Variants in METTL15 observed in about 807,000 individuals in gnomAD.
METTL15 encodes 12S rRNA N(4)-cytidine methyltransferase METTL15.
In METTL15, 34 loss-of-function variants were observed where a neutral mutation model predicts 38.3. The observed-to-expected ratio is 0.89, with a 90% CI of 0.68 to 1.18. METTL15 has a LOEUF of 1.18. Among genes scored for constraint, METTL15 ranks in the 50% most tolerant of loss-of-function variants. The probability of loss-of-function intolerance (pLI) is 0.00; values close to 1 mark genes in which losing one functional copy is unlikely to be tolerated. For missense variants in METTL15, 438 were observed against 498.4 expected (o/e 0.88, Z 1.15); for synonymous variants, 162 against 170.9 (o/e 0.95, Z 0.41).
rs559666663 is a variant in METTL15 at position 28,309,108 on chromosome 11, A to T, written c.778+12177A>T. On this transcript the variant is annotated intron_variant, in intron 6 of 6. Transcript: ENST00000407364. Reference sequence around the variant, plus strand: ...TGCTCTGTATGTCTGCCGAAATTTCATGTCAATACTTTAATCTCAAAATGT... The same window carrying T: ...TGCTCTGTATGTCTGCCGAAATTTCTTGTCAATACTTTAATCTCAAAATGT... 1.8e-4 allele frequency among the ~76,000 whole-genome samples: 28 copies of T among 152,254 alleles called. 2 individuals are homozygous for T. The South Asian group carries it at 5.6e-3, about 30-fold the overall frequency.
intron 4 of METTL15, among the ~76,000 whole-genome samples, chr11:28,247,624 G>A (rs992529221): frequency 1.3e-5 from 2 of 151,954 alleles, no homozygotes; most frequent in African/African-American, 4.8e-5. Flanking sequence ...AAGATTGATC[G>A]GTAATTTAAA....
At chr11:28,270,628 T>C (rs1855606144) in intron 4 of METTL15, among the ~76,000 whole-genome samples, 1 of 152,208 alleles carries the variant, frequency 6.6e-6, no homozygotes, top group Non-Finnish European at 1.5e-5. Context: ...ATCTGATGTA[T>C]AAAATAGGTG....
chr11:28,313,784 C>T (rs184942975), intron 6 of METTL15, among the ~76,000 whole-genome samples: 369 of 151,508 alleles, frequency 2.4e-3, no homozygotes, highest in Non-Finnish European at 3.0e-3. Context: ...GATAGTTGGC[C>T]TCCAAGTGGG....
intron 4 of METTL15, among the ~76,000 whole-genome samples, chr11:28,216,179 A>C (rs927882423): frequency 6.6e-6 from 1 of 152,058 alleles, no homozygotes; most frequent in Non-Finnish European, 1.5e-5. Flanking sequence ...AAAAGTGACA[A>C]GATGTTTTTT....
At chr11:28,406,172 G>C (rs547232465) in intron 5 of METTL15, among the ~76,000 whole-genome samples, 3 of 152,170 alleles carry the variant, frequency 2.0e-5, no homozygotes, top group African/African-American at 7.2e-5. Context: ...AATGGGAATA[G>C]CATTGATTCT....
At chr11:28,343,265 A>G (rs992986165) in intron 3 of METTL15, among the ~76,000 whole-genome samples, 4 of 152,136 alleles carry the variant, frequency 2.6e-5, no homozygotes, top group African/African-American at 9.7e-5. Flanking sequence ...TAGTTATTCT[A>G]GAATCTATCT....
intron 6 of METTL15, among the ~76,000 whole-genome samples, chr11:28,430,306 T>A: frequency 2.0e-5 from 2 of 98,114 alleles, no homozygotes; most frequent in African/African-American, 3.8e-5. Flanking sequence ...CGGCCAGCCG[T>A]GCCATCCGGG....
intron 6 of METTL15, chr11:28,477,421 T>C (rs1851356340): frequency 6.6e-6 from 1 of 152,110 alleles, no homozygotes; most frequent in Non-Finnish European, 1.5e-5. Flanking sequence ...GACTTCAGGT[T>C]ATCCACCTCC....
chr11:28,402,608 G>A (rs998931412), intron 5 of METTL15, among the ~76,000 whole-genome samples: 1 of 151,846 alleles, frequency 6.6e-6, no homozygotes, highest in Non-Finnish European at 1.5e-5. Context: ...TTCAGAGGCA[G>A]AGCCACATTT....
At chr11:28,267,740 G>A (rs1399626398) in intron 4 of METTL15, among the ~76,000 whole-genome samples, 1 of 152,130 alleles carries the variant, frequency 6.6e-6, no homozygotes, top group Non-Finnish European at 1.5e-5. Flanking sequence ...CTTGGCTGAA[G>A]TCAATATCTG....
At chr11:28,320,565 C>T (rs1196882020) in intron 6 of METTL15, among the ~76,000 whole-genome samples, 1 of 151,768 alleles carries the variant, frequency 6.6e-6, no homozygotes, top group East Asian at 1.9e-4. Context: ...GCCCCCGACC[C>T]CCCAAAAAAA....
rs1025040671 is a variant in METTL15 at position 28,509,674 on chromosome 11, CTTTG to C, written c.*425-16798_*425-16795del. ...GTTTTACCTCTCTGGGCTTTTGCTT[CTTTG>C]TTTGTAAAATGAAGGGCTCAAATTA... On this transcript the variant is annotated intron_variant and NMD_transcript_variant, in intron 6 of 7. Coordinates refer to the METTL15 transcript ENST00000532947. 5.9e-5 allele frequency among the ~76,000 whole-genome samples: 9 copies of C among 152,224 alleles called. 1 individual carries two copies. Among genetic ancestry groups the C allele is most frequent in the African/African-American group, 2.2e-4 (9 of 41,538 alleles).
At chr11:28,238,789 C>A (rs1024501880) in intron 4 of METTL15, among the ~76,000 whole-genome samples, 1 of 152,170 alleles carries the variant, frequency 6.6e-6, no homozygotes, top group African/African-American at 2.4e-5. Context: ...ATAAAGCTTT[C>A]AACTGCCCCA....
chr11:28,241,796 G>T (rs768778433), intron 4 of METTL15, among the ~76,000 whole-genome samples: 12 of 152,144 alleles, frequency 7.9e-5, no homozygotes, highest in Non-Finnish European at 1.8e-4. Context: ...AAGCAAAGAT[G>T]CCCATATGGG....
At position 28,110,199 on chromosome 11, in the gene METTL15, C is replaced by A. The variant is rs1851658501; in HGVS notation, c.-220C>A. 6.6e-6 allele frequency: 1 copy of A among 152,190 alleles called. No homozygotes were observed. The highest frequency in any genetic ancestry group is 1.5e-5 in the Non-Finnish European group (1 of 68,048). 9.4% of individuals were successfully genotyped at this position (152,190 alleles called of 1,614,324 possible). A position where few individuals can be genotyped will look rare whatever the true frequency, so the allele number is the denominator to read the frequency against. ...TTTGGAAACCCCAGGCCAACAGGAC[C>A]CTTTGGCAGCTGAGGCTGGAAACAG... On this transcript the variant is annotated 5_prime_UTR_variant, in exon 2 of 7. Transcript: ENST00000407364.
chr11:28,111,763 A>G (rs956598613), intron 2 of METTL15, among the ~76,000 whole-genome samples: 1 of 152,234 alleles, frequency 6.6e-6, no homozygotes, highest in Non-Finnish European at 1.5e-5. Flanking sequence ...TAGCGCATGT[A>G]GTGTGGTTAT....
rs1033996462 is a variant in METTL15, at chr11:28,231,865, A to G, written c.407+20667A>G. ...TTCATCATTCTCTTGGTTTACTTCCATATATTATATGCTCCTTGAAGTATT... is the reference window on the plus strand; with the variant it reads ...TTCATCATTCTCTTGGTTTACTTCCGTATATTATATGCTCCTTGAAGTATT... On this transcript the variant is annotated intron_variant, in intron 4 of 6. Transcript: ENST00000407364. 1.2e-4 allele frequency among the ~76,000 whole-genome samples: 18 copies of G among 151,886 alleles called. No homozygotes were observed. In the South Asian group the frequency reaches 1.5e-3, roughly 12 times the overall value.
intron 6 of METTL15, among the ~76,000 whole-genome samples, chr11:28,493,117 C>T (rs1851509760): frequency 6.6e-6 from 1 of 152,138 alleles, no homozygotes. Context: ...GCTCAGGACA[C>T]AGTCATCTCC....
chr11:28,471,423 C>A (rs1394814509), intron 6 of METTL15, among the ~76,000 whole-genome samples: 1 of 152,056 alleles, frequency 6.6e-6, no homozygotes, highest in Non-Finnish European at 1.5e-5. Context: ...TTCCATTTTT[C>A]TTCTCAGGAA....
Sources: allele counts gnomAD v4.1 joint callset (sites outside exome capture counted in the v4.1 genomes callset), GRCh38; gene constraint gnomAD v4.1.1; transcripts MANE v1.5; gene names NCBI Gene and HGNC (gene_info 2026-07-23, HGNC 2026-07-21).